The following MET variants were observed in gnomAD, a reference collection of about 807,000 sequenced individuals.
MET encodes the protein hepatocyte growth factor receptor.
Under a neutral mutation model 133.1 loss-of-function variants are expected in MET, and 48 were observed. The ratio of observed to expected loss-of-function variants is 0.36; its 90% CI spans 0.29 to 0.46. The LOEUF (loss-of-function observed/expected upper bound fraction) is 0.46, where lower values mean the gene tolerates loss of function less well. MET is among the 20% of genes least tolerant of loss of function. The pLI, the probability that MET is intolerant of heterozygous loss-of-function variation, is 1.00. For synonymous variants in MET, 628 were observed against 616.5 expected (o/e 1.02, Z -0.28); for missense variants, 1,442 against 1,695.9 (o/e 0.85, Z 2.63).
Position 116,763,038 on chromosome 7 carries a change from G to A in MET, c.2365-12G>A, listed in dbSNP as rs986494432. On this transcript the variant is annotated splice_polypyrimidine_tract_variant and intron_variant, in intron 10 of 20. Transcript: ENST00000397752. The stretch of plus-strand genomic sequence containing the variant: ...TATTCTGTTTACAGTGGATAATTGT[G>A]TCTTTCTCTAGGCATGTCAACATCG... The A allele has an allele frequency of 3.1e-6, 5 of 1,608,712 alleles. No homozygotes were observed. Among genetic ancestry groups the A allele is most frequent in the Admixed American group, 3.3e-5 (2 of 59,960 alleles).
chr7:116,674,814 G>A (rs11767567), intron 1 of MET, among the ~76,000 whole-genome samples: 24,130 of 152,102 alleles, frequency 0.16, 2,673 homozygotes, highest in African/African-American at 0.31. Flanking sequence ...CAGTTTGCTC[G>A]TTTCTTCTTT....
At position 116,700,240 on chromosome 7, in the gene MET, C is replaced by G. The variant is rs2116606779; in HGVS notation, c.1156C>G (p.Leu386Val). Residue 386 changes from leucine to valine, a missense_variant, in exon 2 of 21, where the codon CTC becomes GTC. Coordinates refer to ENST00000397752, the MANE Select transcript of MET (RefSeq NM_000245.4). Reference protein sequence around the residue: ...KIVNKNNVRCLQHFYGPNHEH... With the variant: ...KIVNKNNVRCVQHFYGPNHEH... ...CGTCAACAAAAACAATGTGAGATGT[C>G]TCCAGCATTTTTACGGACCCAATCA... 1 of 1,602,386 alleles carries G rather than the reference C, an allele frequency of 6.2e-7. No homozygotes were observed. Among genetic ancestry groups the G allele is most frequent in the South Asian group, 1.1e-5 (1 of 88,006 alleles).
intron 5 of MET, among the ~76,000 whole-genome samples, chr7:116,753,485 A>T (rs1794008866): frequency 6.6e-6 from 1 of 152,194 alleles, no homozygotes; most frequent in South Asian, 2.1e-4. Context: ...TAGGTGCCTA[A>T]TGCGGTCTTA....
At chr7:116,718,762 A>G (rs1387513545) in intron 2 of MET, among the ~76,000 whole-genome samples, 3 of 148,962 alleles carry the variant, frequency 2.0e-5, no homozygotes, top group Admixed American at 6.7e-5. Flanking sequence ...TTGTTCTTGC[A>G]ATAGTTTACT....
At chr7:116,795,021 C>T (rs561355927) in intron 19 of MET, among the ~76,000 whole-genome samples, 2 of 152,298 alleles carry the variant, frequency 1.3e-5, no homozygotes, top group East Asian at 3.9e-4. Context: ...CTGTGATCTT[C>T]CTATATAGTA....
intron 2 of MET, among the ~76,000 whole-genome samples, 166 bp from the exon 3 acceptor site, chr7:116,731,502 G>A (rs1390880579): frequency 2.0e-5 from 3 of 152,192 alleles, no homozygotes; most frequent in African/African-American, 7.2e-5. Flanking sequence ...TGAAATTGGA[G>A]CCATTCAGTC....
rs947546883 is a variant in MET at position 116,723,482 on chromosome 7, C to T, written c.1201-8186C>T. ...CATCTGAAGCCTTCTTCTCTCAGCT[C>T]GCCAAAGTCATTCTCCATCCAGCTT... On this transcript the variant is annotated intron_variant, in intron 2 of 20. Transcript: ENST00000397752. Among the ~76,000 whole-genome samples, 55 of 152,222 alleles carry T rather than the reference C, an allele frequency of 3.6e-4. 3 individuals carry two copies. The highest frequency in any genetic ancestry group is 1.5e-5 in the Non-Finnish European group (1 of 68,050).
intron 3 of MET, among the ~76,000 whole-genome samples, chr7:116,739,083 A>G (rs1386343651): frequency 6.6e-6 from 1 of 152,194 alleles, no homozygotes; most frequent in Non-Finnish European, 1.5e-5. Context: ...CCTACTTAAG[A>G]GTGAAAGTTT....
At chr7:116,759,691 C>A in intron 10 of MET, 1 of 631,174 alleles carries the variant, frequency 1.6e-6, no homozygotes. Context: ...AAAATACATA[C>A]ACATACACAC....
chr7:116,760,621 A>G (rs1794364251), intron 10 of MET, among the ~76,000 whole-genome samples: 1 of 152,150 alleles, frequency 6.6e-6, no homozygotes, highest in Admixed American at 6.5e-5. Flanking sequence ...TAGATTCTCC[A>G]TCCAATATTT....
chr7:116,763,439 C>G, intron 11 of MET, 171 bp downstream of exon 11: 1 of 655,850 alleles, frequency 1.5e-6, no homozygotes, highest in Admixed American at 2.6e-5. Flanking sequence ...TAAGAATAAC[C>G]GTGGACTGCA....
intron 11 of MET, among the ~76,000 whole-genome samples, chr7:116,764,376 C>T (rs1450154086): frequency 2.0e-5 from 3 of 151,718 alleles, no homozygotes; most frequent in African/African-American, 7.3e-5. Context: ...GAGAAATAAG[C>T]TTTTATCACT....
At chr7:116,707,211 A>G (rs567559667) in intron 2 of MET, among the ~76,000 whole-genome samples, 7 of 152,216 alleles carry the variant, frequency 4.6e-5, no homozygotes, top group African/African-American at 1.4e-4. Flanking sequence ...GCTAATTTAG[A>G]CCAAAGCTTT....
chr7:116,786,905 A>G (rs1315611464), intron 19 of MET, among the ~76,000 whole-genome samples: 7 of 152,160 alleles, frequency 4.6e-5, no homozygotes, highest in Non-Finnish European at 1.5e-5. Flanking sequence ...CTCTCTGTGA[A>G]TCAGCAAGAG....
intron 11 of MET, among the ~76,000 whole-genome samples, chr7:116,767,809 C>G (rs1022583134): frequency 1.2e-4 from 18 of 150,536 alleles, no homozygotes; most frequent in Non-Finnish European, 2.7e-4. Context: ...TTTTTAGCAT[C>G]TCAATAAAGC....
rs1358459698 is a variant in MET, at chr7:116,722,396, C to T, written c.1201-9272C>T. Among the ~76,000 whole-genome samples, 5 of 150,368 alleles carry T rather than the reference C, an allele frequency of 3.3e-5. No homozygotes were observed. In the East Asian group the frequency reaches 9.7e-4, roughly 29 times the overall value. ...GTGTCTCTGCACGTGAGATGGGTTT[C>T]CTGAATACAGCACACTGATGGGTCT... is the stretch of plus-strand genomic sequence containing the variant. On this transcript the variant is annotated intron_variant, in intron 2 of 20. Coordinates refer to ENST00000397752, the MANE Select transcript of MET (RefSeq NM_000245.4).
intron 9 of MET, 27 bp downstream of exon 9, chr7:116,758,647 A>G (rs2116933178): frequency 1.9e-6 from 3 of 1,605,450 alleles, no homozygotes; most frequent in Non-Finnish European, 2.6e-6. Context: ...GATGGGTATA[A>G]GAAAACAATG....
intron 5 of MET, among the ~76,000 whole-genome samples, chr7:116,751,978 G>A (rs984568706): frequency 6.6e-6 from 1 of 151,988 alleles, no homozygotes; most frequent in African/African-American, 2.4e-5. Context: ...GGAGAATGGC[G>A]TGAACCTGGG....
chr7:116,688,860 G>A (rs1796670772), intron 1 of MET, among the ~76,000 whole-genome samples: 1 of 152,158 alleles, frequency 6.6e-6, no homozygotes, highest in Admixed American at 6.5e-5. Context: ...AGGACTAAGA[G>A]GGGATGCAAA....
Sources: gnomAD v4.1 joint callset for allele counts (sites outside exome capture counted in the v4.1 genomes callset) on GRCh38, gnomAD v4.1.1 for gene constraint, MANE v1.5 for transcripts, NCBI Gene and HGNC (gene_info 2026-07-23, HGNC 2026-07-21) for gene names.